Variants in ZFAT observed in about 807,000 individuals in gnomAD.
ZFAT encodes zinc finger protein ZFAT.
ZFAT carries 64 observed loss-of-function variants against 117.7 expected under a neutral mutation model. That is an observed-to-expected ratio of 0.54 (90% confidence interval 0.44 to 0.67). ZFAT has a LOEUF of 0.67. Among genes scored for constraint, ZFAT ranks in the 30% least tolerant of loss-of-function variants. The pLI is 0.00. For missense variants in ZFAT, 1,433 were observed against 1,584.5 expected (o/e 0.90, Z 1.62); for synonymous variants, 679 against 615.0 (o/e 1.10, Z -1.54).
chr8:134,814,050 A>T, the ZFAT span, among the ~76,000 whole-genome samples: 2 of 152,186 alleles, frequency 1.3e-5, no homozygotes, highest in Non-Finnish European at 2.9e-5. Flanking sequence ...CCCAAAGGAT[A>T]ATGTTTGGTT....
chr8:134,504,517 A>G (rs1453124667), intron 15 of ZFAT, among the ~76,000 whole-genome samples: 1 of 152,204 alleles, frequency 6.6e-6, no homozygotes, highest in Non-Finnish European at 1.5e-5. Flanking sequence ...TGTCAGTGAC[A>G]GTCTTAGACA....
upstream of ZFAT, among the ~76,000 whole-genome samples, chr8:134,715,293 G>A (rs1033500000): frequency 1.3e-5 from 2 of 152,214 alleles, no homozygotes; most frequent in Non-Finnish European, 1.5e-5. Context: ...TGTGGATGAT[G>A]GTTCTGGGTT....
intron 15 of ZFAT, among the ~76,000 whole-genome samples, chr8:134,480,233 A>G (rs991267594): frequency 4.6e-5 from 7 of 152,216 alleles, no homozygotes; most frequent in African/African-American, 1.7e-4. Flanking sequence ...AAGTGCCGGG[A>G]TTACAGGCAT....
chr8:134,625,764 G>A (rs902591450), intron 3 of ZFAT, among the ~76,000 whole-genome samples: 1 of 152,196 alleles, frequency 6.6e-6, no homozygotes, highest in Non-Finnish European at 1.5e-5. Flanking sequence ...CTCAGCCCCA[G>A]CAGTATGTCC....
chr8:134,479,832 T>C (rs1385272246), intron 15 of ZFAT, among the ~76,000 whole-genome samples: 2 of 152,082 alleles, frequency 1.3e-5, no homozygotes, highest in African/African-American at 2.4e-5. Context: ...TATTCATCTG[T>C]AAAACAGGGA....
chr8:134,779,101 G>A, the ZFAT span, among the ~76,000 whole-genome samples: 2 of 152,184 alleles, frequency 1.3e-5, no homozygotes, highest in Non-Finnish European at 1.5e-5. Context: ...AGATAATTAA[G>A]TGTCTGTGCT....
chr8:134,701,112 T>C (rs1411614503), intron 1 of ZFAT, among the ~76,000 whole-genome samples: 1 of 152,158 alleles, frequency 6.6e-6, no homozygotes, highest in African/African-American at 2.4e-5. Context: ...ATCTCGACCA[T>C]CCATCACCAG....
At chr8:134,565,196 C>A (rs1347511454) in intron 11 of ZFAT, 137 bp downstream of exon 11, 27 of 1,539,334 alleles carry the variant, frequency 1.8e-5, no homozygotes, top group Non-Finnish European at 2.3e-5. Context: ...GCCTCAGACT[C>A]CACGTGTACC....
At chr8:134,536,070 C>T (rs1165858472) in intron 11 of ZFAT, among the ~76,000 whole-genome samples, 2 of 152,192 alleles carry the variant, frequency 1.3e-5, no homozygotes, top group Non-Finnish European at 2.9e-5. Flanking sequence ...GTGAGTTCAG[C>T]TCGCTTTCTT....
chr8:134,723,825 G>A, the ZFAT span: 3 of 152,182 alleles, frequency 2.0e-5, no homozygotes, highest in African/African-American at 4.8e-5. Flanking sequence ...TGAAGTTCCC[G>A]CAGTAACTGG....
At chr8:134,633,006 T>A (rs1355829700) in intron 3 of ZFAT, among the ~76,000 whole-genome samples, 1 of 152,150 alleles carries the variant, frequency 6.6e-6, no homozygotes, top group Non-Finnish European at 1.5e-5. Context: ...TCTGAGGACA[T>A]GGCCCATGAC....
At chr8:134,621,013 T>C (rs940782766) in intron 3 of ZFAT, among the ~76,000 whole-genome samples, 11 of 152,122 alleles carry the variant, frequency 7.2e-5, no homozygotes, top group Non-Finnish European at 1.5e-4. Context: ...AATTCTAAGG[T>C]AGTATTTTGT....
At chr8:134,629,404 C>T (rs997130884) in intron 3 of ZFAT, among the ~76,000 whole-genome samples, 8 of 152,020 alleles carry the variant, frequency 5.3e-5, no homozygotes, top group African/African-American at 1.9e-4. Context: ...CAGGGCTCCC[C>T]TACCCCGAGA....
At chr8:134,811,807 T>C in the ZFAT span, among the ~76,000 whole-genome samples, 1 of 152,188 alleles carries the variant, frequency 6.6e-6, no homozygotes, top group South Asian at 2.1e-4. Context: ...TTTGACTTTG[T>C]GAGTTTGAAA....
chr8:134,600,917 AG>A (rs1827384571), intron 6 of ZFAT, among the ~76,000 whole-genome samples: 1 of 152,154 alleles, frequency 6.6e-6, no homozygotes, highest in African/African-American at 2.4e-5. Flanking sequence ...GTGTTTACTG[AG>A]AACCAGTTAT....
At chr8:134,621,910 G>T (rs553080685) in intron 3 of ZFAT, among the ~76,000 whole-genome samples, 1 of 152,326 alleles carries the variant, frequency 6.6e-6, no homozygotes, top group East Asian at 1.9e-4. Flanking sequence ...ACAAGATTTG[G>T]AGTTAAAGGC....
the ZFAT span, among the ~76,000 whole-genome samples, chr8:134,763,755 C>T: frequency 1.3e-5 from 2 of 152,152 alleles, no homozygotes; most frequent in African/African-American, 4.8e-5. Context: ...CCGCAACTAT[C>T]CGAGTCAGGT....
At chr8:134,610,739 C>T in intron 3 of ZFAT, 84 bp from the exon 4 acceptor site, 1 of 1,495,380 alleles carries the variant, frequency 6.7e-7, no homozygotes, top group South Asian at 1.3e-5. Context: ...TTTCACGGGA[C>T]AGTAAAGGAA....
chr8:134,541,370 C>T (rs1281209000), intron 11 of ZFAT, among the ~76,000 whole-genome samples: 1 of 152,096 alleles, frequency 6.6e-6, no homozygotes, highest in African/African-American at 2.4e-5. Context: ...CGCTCAGCCC[C>T]CTCACCATGA....
Sources: gnomAD v4.1 joint callset for allele counts (sites outside exome capture counted in the v4.1 genomes callset) on GRCh38, gnomAD v4.1.1 for gene constraint, MANE v1.5 for transcripts, NCBI Gene and HGNC (gene_info 2026-07-23, HGNC 2026-07-21) for gene names.